The following THTPA variants were observed in gnomAD, a reference collection of about 807,000 sequenced individuals.
THTPA encodes the protein thiamine triphosphatase, also known as thiamine-triphosphatase.
A neutral mutation model predicts 16.5 loss-of-function variants in THTPA; 16 were observed. The ratio of observed to expected loss-of-function variants is 0.97; its 90% confidence interval spans 0.66 to 1.47. The LOEUF (loss-of-function observed/expected upper bound fraction) is 1.47, where lower values mean the gene tolerates loss of function less well. Among genes scored for constraint, THTPA ranks in the 40% most tolerant of loss-of-function variants. The probability of loss-of-function intolerance (pLI) is 0.00; values close to 1 mark genes in which losing one functional copy is unlikely to be tolerated. For missense variants in THTPA, 281 were observed against 280.9 expected (o/e 1.00, Z 0.00); for synonymous variants, 110 against 115.5 (o/e 0.95, Z 0.30).
chr14:23,525,503 A>C, the THTPA span: 1 of 1,535,752 alleles, frequency 6.5e-7, no homozygotes, highest in Admixed American at 2.0e-5. The surrounding 1 kb of genome is among the most constrained non-coding windows in gnomAD (Gnocchi z 5.9). Context: ...CCCACAGGCC[A>C]GCTTGTCCCC....
At chr14:23,519,081 C>A in the THTPA span, among the ~76,000 whole-genome samples, 1 of 152,116 alleles carries the variant, frequency 6.6e-6, no homozygotes, top group Non-Finnish European at 1.5e-5. Context: ...AGAGTCAGCT[C>A]ATATCTACTG....
the THTPA span, chr14:23,532,475 A>G: frequency 5.1e-6 from 7 of 1,374,270 alleles, no homozygotes; most frequent in African/African-American, 5.8e-5. Context: ...TTTGTCACCC[A>G]GGGTTTTCCT....
chr14:23,523,151 A>G, the THTPA span: 4 of 1,410,054 alleles, frequency 2.8e-6, no homozygotes, highest in East Asian at 1.0e-4. The surrounding 1 kb of genome is among the most constrained non-coding windows in gnomAD (Gnocchi z 4.1). Context: ...AGGGCATGTC[A>G]TTAGAGGGGG....
At chr14:23,547,409 G>C in the THTPA span, among the ~76,000 whole-genome samples, 2 of 152,174 alleles carry the variant, frequency 1.3e-5, no homozygotes, top group Non-Finnish European at 2.9e-5. Context: ...AATGGGGTGG[G>C]GATGCTACTT....
upstream of THTPA, among the ~76,000 whole-genome samples, chr14:23,552,154 T>C (rs1334802293): frequency 6.6e-6 from 1 of 152,132 alleles, no homozygotes; most frequent in Non-Finnish European, 1.5e-5. Flanking sequence ...TAGAACCTTC[T>C]CTACCGCAGC....
chr14:23,523,873 G>C, the THTPA span: 1 of 1,536,188 alleles, frequency 6.5e-7, no homozygotes, highest in Non-Finnish European at 8.7e-7. This position sits in a 1 kb window ranked among gnomAD's most constrained non-coding sequence, Gnocchi z 4.1. Context: ...CAGAGAGACT[G>C]CAAGCCTCAC....
the THTPA span, chr14:23,526,576 G>T: frequency 2.0e-6 from 3 of 1,535,786 alleles, no homozygotes; most frequent in Non-Finnish European, 1.7e-6. Flanking sequence ...CTGGAGAAGG[G>T]GGTTGGCCAG....
At chr14:23,531,410 C>T in the THTPA span, 2 of 1,337,290 alleles carry the variant, frequency 1.5e-6, no homozygotes, top group Admixed American at 6.6e-5. Context: ...TCTAACTCCG[C>T]AGCCCCCCTG....
chr14:23,515,594 C>A, the THTPA span, among the ~76,000 whole-genome samples: 3 of 152,164 alleles, frequency 2.0e-5, no homozygotes, highest in Non-Finnish European at 2.9e-5. Flanking sequence ...GACCTTGAGC[C>A]CCCATCTGAA....
chr14:23,524,090 T>C, the THTPA span: 1 of 1,530,866 alleles, frequency 6.5e-7, no homozygotes, highest in African/African-American at 1.4e-5. This position sits in a 1 kb window ranked among gnomAD's most constrained non-coding sequence, Gnocchi z 5.6. Context: ...AGTGCCATCA[T>C]CTACCTTGCC....
At chr14:23,533,440 G>C in the THTPA span, 3 of 1,531,614 alleles carry the variant, frequency 2.0e-6, no homozygotes, top group East Asian at 2.4e-5. This position sits in a 1 kb window ranked among gnomAD's most constrained non-coding sequence, Gnocchi z 4.8. Context: ...GAAGAGTTCA[G>C]GGGGGCTAGT....
At chr14:23,540,729 AATG>A in the THTPA span, among the ~76,000 whole-genome samples, 1 of 152,172 alleles carries the variant, frequency 6.6e-6, no homozygotes, top group Non-Finnish European at 1.5e-5. Flanking sequence ...AAATGGGAAT[AATG>A]ATATTTTCCT....
the THTPA span, among the ~76,000 whole-genome samples, chr14:23,547,135 A>C: frequency 1.3e-5 from 2 of 152,186 alleles, no homozygotes; most frequent in African/African-American, 4.8e-5. Flanking sequence ...CCTCTTCTAG[A>C]TACCTCTGGA....
At chr14:23,521,491 G>A in the THTPA span, 151 of 154,720 alleles carry the variant, frequency 9.8e-4, no homozygotes, top group Non-Finnish European at 1.5e-3. Context: ...TTTCTTTTTC[G>A]TTTCTTCTTT....
chr14:23,533,778 A>G, the THTPA span: 1 of 1,557,966 alleles, frequency 6.4e-7, no homozygotes, highest in Non-Finnish European at 8.6e-7. This position sits in a 1 kb window ranked among gnomAD's most constrained non-coding sequence, Gnocchi z 4.8. Flanking sequence ...TGGTGGTTGT[A>G]GAGTAGTTGC....
At chr14:23,532,985 A>G in the THTPA span, 1 of 1,536,052 alleles carries the variant, frequency 6.5e-7, no homozygotes, top group African/African-American at 1.4e-5. Context: ...CTTCAGGGAC[A>G]GGCTGTCGTC....
chr14:23,534,881 T>A, the THTPA span: 1 of 1,536,100 alleles, frequency 6.5e-7, no homozygotes, highest in Non-Finnish European at 8.7e-7. This position sits in a 1 kb window ranked among gnomAD's most constrained non-coding sequence, Gnocchi z 4.5. Flanking sequence ...TCTTCCTTGA[T>A]GCCCGCCTCA....
intron 1 of THTPA, among the ~76,000 whole-genome samples, chr14:23,557,911 T>C (rs1009726228): frequency 3.1e-4 from 48 of 152,384 alleles, no homozygotes; most frequent in African/African-American, 1.1e-3. Flanking sequence ...TCTTGTCCTT[T>C]TGTTTTACAA....
At chr14:23,534,192 C>T in the THTPA span, 1 of 1,481,072 alleles carries the variant, frequency 6.8e-7, no homozygotes, top group Non-Finnish European at 8.9e-7. This position sits in a 1 kb window ranked among gnomAD's most constrained non-coding sequence, Gnocchi z 4.5. Context: ...CCTCTTCTTG[C>T]CCCTCAGGGA....
Sources: allele counts gnomAD v4.1 joint callset (sites outside exome capture counted in the v4.1 genomes callset), GRCh38; gene constraint gnomAD v4.1.1; non-coding constraint Gnocchi (gnomAD v3.1); transcripts MANE v1.5; gene names NCBI Gene and HGNC (gene_info 2026-07-23, HGNC 2026-07-21).